Variants in MYH13 observed in about 807,000 individuals in gnomAD.
MYH13 encodes myosin heavy chain 13.
MYH13 carries 177 observed loss-of-function variants against 232.1 expected under a neutral mutation model. The observed-to-expected ratio is 0.76, with a 90% confidence interval of 0.67 to 0.86. The LOEUF (loss-of-function observed/expected upper bound fraction) is 0.86. Ranked by LOEUF, MYH13 falls within the 40% of genes least tolerant of loss-of-function variation. The probability of loss-of-function intolerance (pLI) is 0.00; values close to 1 mark genes in which losing one functional copy is unlikely to be tolerated. For synonymous variants in MYH13, 884 were observed against 923.5 expected (o/e 0.96, Z 0.78); for missense variants, 2,246 against 2,405.9 (o/e 0.93, Z 1.39).
intron 22 of MYH13, among the ~76,000 whole-genome samples, chr17:10,327,446 T>C (rs953279899): frequency 3.9e-5 from 6 of 152,182 alleles, no homozygotes; most frequent in Non-Finnish European, 8.8e-5. Context: ...ACGCCCGGCC[T>C]AAAGCACTTT....
At chr17:10,319,281 G>A in intron 26 of MYH13, 102 bp from the exon 27 acceptor site, 1 of 1,386,670 alleles carries the variant, frequency 7.2e-7, no homozygotes, top group Non-Finnish European at 9.6e-7. Flanking sequence ...GCATGAGGTG[G>A]GTGGGTCATT....
intron 15 of MYH13, 147 bp from the exon 16 acceptor site, chr17:10,344,256 T>C: frequency 2.4e-6 from 3 of 1,240,120 alleles, no homozygotes; most frequent in Non-Finnish European, 3.3e-6. Flanking sequence ...TCTTGGTCTG[T>C]TTGGGGGATG....
In MYH13 at chr17:10,301,539, G is replaced by A. The variant is rs201744735; in HGVS notation, c.5802+30C>T. 15 of 1,613,514 alleles carry A rather than the reference G, an allele frequency of 9.3e-6. No individual in the cohort carries two copies. The African/African-American group carries it at 1.1e-4, about 11-fold the overall frequency. On this transcript the variant is annotated intron_variant, in intron 40 of 40. Coordinates refer to ENST00000252172, the MANE Select transcript of MYH13 (RefSeq NM_003802.3). The stretch of plus-strand genomic sequence containing the variant: ...CCATATTCAATATCTGTTCTTAGCT[G>A]GCCCCTATATCTCAGGTACCTGCTC...
intron 39 of MYH13, among the ~76,000 whole-genome samples, chr17:10,302,042 C>G (rs2142212755): frequency 6.6e-6 from 1 of 152,260 alleles, no homozygotes; most frequent in East Asian, 1.9e-4. Flanking sequence ...GACCAATGGC[C>G]CAAGTCTCCC....
rs538092229 is a variant in MYH13, at chr17:10,343,984, A to G, written c.1710T>C (p.Pro570=). ...AGTGAGCCTCAGCCTTGCCTTTGGC[A>G]GGCTTGGGCTTCTGGAAGTTGTTGG... ...GKSNNFQKPK[P]AKGKAEAHFS... Residue 570 remains proline, a synonymous_variant, in exon 16 of 41, where the codon CCT becomes CCC. Coordinates refer to ENST00000252172, the MANE Select transcript of MYH13 (RefSeq NM_003802.3). 1.9e-6 allele frequency: 3 copies of G among 1,614,234 alleles called. No individual in the cohort carries two copies. In the South Asian group the frequency reaches 3.3e-5, roughly 18 times the overall value.
chr17:10,323,711 A>T (rs929655839), intron 23 of MYH13, among the ~76,000 whole-genome samples: 3 of 142,944 alleles, frequency 2.1e-5, no homozygotes, highest in Non-Finnish European at 4.5e-5. Context: ...GTGAGCTGAG[A>T]TGGCACCACT....
chr17:10,342,521 C>T (rs2071626051), intron 16 of MYH13, among the ~76,000 whole-genome samples: 1 of 152,146 alleles, frequency 6.6e-6, no homozygotes, highest in Admixed American at 6.5e-5. Flanking sequence ...TACAAATGTT[C>T]ATAGCAACAT....
chr17:10,330,389 C>T lies in MYH13; in HGVS notation c.2433G>A (p.Arg811=), dbSNP rs1012007926. 4 of 1,613,480 alleles carry T rather than the reference C, an allele frequency of 2.5e-6. No homozygotes were observed. The highest frequency in any genetic ancestry group is 3.4e-6 in the Non-Finnish European group (4 of 1,179,752). ...MRVEFKKMME[R]RDSIFCIQYN... Reference sequence around the variant, plus strand: ...GTGGAGGTGAGGGTCTGTGTCACCTCCTCTCCATCATCTTCTTGAACTCCA... The same window carrying T: ...GTGGAGGTGAGGGTCTGTGTCACCTTCTCTCCATCATCTTCTTGAACTCCA... The change falls in exon 21 of 41, where the codon AGG becomes AGA. Residue 811 remains arginine, a splice_region_variant and synonymous_variant. Coordinates refer to ENST00000252172, the MANE Select transcript of MYH13 (RefSeq NM_003802.3).
intron 2 of MYH13, among the ~76,000 whole-genome samples, chr17:10,369,049 T>G (rs1457598593): frequency 6.6e-6 from 1 of 152,222 alleles, no homozygotes; most frequent in African/African-American, 2.4e-5. Context: ...TCTCATTGCT[T>G]GTACACAAAA....
At position 10,311,922 on chromosome 17, in the gene MYH13, T is replaced by G; in HGVS notation, c.4520A>C (p.Lys1507Thr). 6.2e-7 allele frequency: 1 copy of G among 1,613,920 alleles called. No homozygotes were observed. The highest frequency in any genetic ancestry group is 8.5e-7 in the Non-Finnish European group (1 of 1,179,878). Reference sequence around the variant, plus strand: ...TGGAGACAGCTCACCTTGCAGATTTTTGTTCTCTCGCCTCAGTGTCTCTAA... The same window carrying G: ...TGGAGACAGCTCACCTTGCAGATTTGTGTTCTCTCGCCTCAGTGTCTCTAA... ...DQLETLRREN[K>T]NLQEEISDLT... is the part of the protein sequence containing the mutation. The change falls in exon 32 of 41, where the codon AAA becomes ACA. Residue 1507 changes from lysine (K) to threonine (T), a missense_variant. Lys to Thr is a moderately conservative substitution (Grantham distance 78, BLOSUM62 -1). Transcript: ENST00000252172.
rs367804029 is a variant in MYH13, at chr17:10,311,169, C to T, written c.4590G>A (p.Ala1530=). ...GCTCCACTAGCTTCTTGGTCTTTTCCGCTTCCTGAAGATTCTTGCCAGTTT... is the reference window on the plus strand; with the variant it reads ...GCTCCACTAGCTTCTTGGTCTTTTCTGCTTCCTGAAGATTCTTGCCAGTTT... ...IAETGKNLQE[A]EKTKKLVEQE... The change falls in exon 33 of 41, where the codon GCG becomes GCA. Residue 1530 remains alanine, a synonymous_variant. Coordinates refer to ENST00000252172, the MANE Select transcript of MYH13 (RefSeq NM_003802.3). The T allele has an allele frequency of 1.1e-4, 172 of 1,614,016 alleles. No homozygotes were observed. Among genetic ancestry groups the T allele is most frequent in the Admixed American group, 4.8e-4 (29 of 60,024 alleles).
chr17:10,320,662 CT>C, intron 24 of MYH13, 166 bp from the exon 25 acceptor site: 1 of 748,318 alleles, frequency 1.3e-6, no homozygotes, highest in Non-Finnish European at 2.1e-6. Context: ...TACCTCCCCT[CT>C]CTTCTGTCTT....
chr17:10,340,541 C>T (rs3760425), intron 16 of MYH13, 140 bp from the exon 17 acceptor site: 516,815 of 646,562 alleles, frequency 0.8, 208,147 homozygotes, highest in East Asian at 0.86. Flanking sequence ...TTGTTTTAGA[C>T]GGAGTGTTGC....
chr17:10,351,224 A>AAAAAAAAAAAAAAAAAAAAAAAG (rs2071708456), intron 11 of MYH13, among the ~76,000 whole-genome samples: 1 of 150,232 alleles, frequency 6.7e-6, no homozygotes, highest in Non-Finnish European at 1.5e-5. Flanking sequence ...CCATCTCAAA[A>AAAAAAAAAAAAAAAAAAAAAAAG]AAAAAAAAAA....
intron 2 of MYH13, among the ~76,000 whole-genome samples, chr17:10,366,610 A>G (rs2071840238): frequency 6.6e-6 from 1 of 151,854 alleles, no homozygotes; most frequent in Admixed American, 6.6e-5. Context: ...TGAACTCCTG[A>G]CCTCAGGTGA....
At chr17:10,322,276 T>C (rs376403975) in intron 23 of MYH13, among the ~76,000 whole-genome samples, 82 of 150,926 alleles carry the variant, frequency 5.4e-4, no homozygotes, top group African/African-American at 1.7e-3. Flanking sequence ...TGGGCACCTG[T>C]AGTCCCAGCT....
intron 18 of MYH13, among the ~76,000 whole-genome samples, chr17:10,335,761 A>G (rs955070334): frequency 6.6e-6 from 1 of 152,210 alleles, no homozygotes; most frequent in Middle Eastern, 3.4e-3. Context: ...TCTTGAAAAA[A>G]AAAGAGAGAG....
chr17:10,349,352 G>A (rs573742345), intron 12 of MYH13, among the ~76,000 whole-genome samples: 2 of 151,832 alleles, frequency 1.3e-5, no homozygotes, highest in Admixed American at 1.3e-4. Flanking sequence ...CACCCACCTC[G>A]GCCTCCCAAA....
chr17:10,368,763 T>C (rs1169945451), intron 2 of MYH13, among the ~76,000 whole-genome samples: 1 of 152,192 alleles, frequency 6.6e-6, no homozygotes, highest in Non-Finnish European at 1.5e-5. Flanking sequence ...AGACCACACT[T>C]TGAGAATGGC....
Sources: allele counts gnomAD v4.1 joint callset (sites outside exome capture counted in the v4.1 genomes callset), GRCh38; gene constraint gnomAD v4.1.1; transcripts MANE v1.5; gene names NCBI Gene and HGNC (gene_info 2026-07-23, HGNC 2026-07-21).